The following GRXCR2 variants were observed in gnomAD, a reference collection of about 807,000 sequenced individuals.
GRXCR2 encodes the protein glutaredoxin domain-containing cysteine-rich protein 2.
Under a neutral mutation model 24.8 loss-of-function variants are expected in GRXCR2, and 23 were observed. The observed-to-expected ratio is 0.93, with a 90% CI of 0.67 to 1.32. The LOEUF (loss-of-function observed/expected upper bound fraction) is 1.32, where lower values mean the gene tolerates loss of function less well. GRXCR2 is among the 40% of genes most tolerant of loss of function. The pLI is 0.00. For synonymous variants in GRXCR2, 130 were observed against 116.1 expected, an observed-to-expected ratio of 1.12 and a Z score of -0.77; for missense variants, 315 against 303.4, an observed-to-expected ratio of 1.04 and a Z score of -0.28.
intron 2 of GRXCR2, among the ~76,000 whole-genome samples, chr5:145,905,402 A>G (rs1164457609): frequency 6.6e-6 from 1 of 152,228 alleles, no homozygotes; most frequent in Admixed American, 6.5e-5. Context: ...ACAGTGACGA[A>G]GAGAGAAACT....
chr5:145,885,214 T>C (rs1407095294), intron 2 of GRXCR2, among the ~76,000 whole-genome samples: 1 of 152,122 alleles, frequency 6.6e-6, no homozygotes, highest in African/African-American at 2.4e-5. Context: ...TAGTTATTGA[T>C]CATTTGTAGA....
At chr5:145,892,534 T>C (rs983873000) in intron 2 of GRXCR2, among the ~76,000 whole-genome samples, 1 of 151,916 alleles carries the variant, frequency 6.6e-6, no homozygotes, top group Non-Finnish European at 1.5e-5. Flanking sequence ...AGGGTATCAG[T>C]GATGGAAGAA....
intron 1 of GRXCR2, among the ~76,000 whole-genome samples, chr5:145,869,406 T>C (rs1381323995): frequency 1.3e-5 from 2 of 152,206 alleles, no homozygotes; most frequent in Non-Finnish European, 2.9e-5. Flanking sequence ...ATTTTTATTA[T>C]TTATAACCTT....
intron 2 of GRXCR2, among the ~76,000 whole-genome samples, chr5:145,881,515 C>T (rs914216151): frequency 1.2e-4 from 18 of 152,058 alleles, no homozygotes; most frequent in East Asian, 3.9e-4. Flanking sequence ...CACTGCTCAA[C>T]GAAATAAAAG....
intron 2 of GRXCR2, among the ~76,000 whole-genome samples, chr5:145,888,809 C>G (rs913154199): frequency 6.6e-6 from 1 of 152,116 alleles, no homozygotes; most frequent in Non-Finnish European, 1.5e-5. Context: ...GTTATACACT[C>G]TGTGTGTGTA....
intron 2 of GRXCR2, among the ~76,000 whole-genome samples, chr5:145,902,048 G>C (rs2149922805): frequency 6.6e-6 from 1 of 152,110 alleles, no homozygotes; most frequent in East Asian, 1.9e-4. Flanking sequence ...CCTAACAGTG[G>C]AAAGCACTGT....
intron 2 of GRXCR2, among the ~76,000 whole-genome samples, chr5:145,927,690 CT>C (rs1463283408): frequency 1.3e-5 from 2 of 152,016 alleles, no homozygotes; most frequent in Non-Finnish European, 2.9e-5. Context: ...CTAAAATTCT[CT>C]TTTTTTGTTG....
intron 2 of GRXCR2, among the ~76,000 whole-genome samples, chr5:145,907,366 T>C (rs529696156): frequency 6.6e-6 from 1 of 152,034 alleles, no homozygotes; most frequent in South Asian, 2.1e-4. Flanking sequence ...CCATCTCTAC[T>C]AAAAATACAA....
intron 2 of GRXCR2, among the ~76,000 whole-genome samples, chr5:145,884,933 G>C (rs1357736218): frequency 6.6e-6 from 1 of 152,148 alleles, no homozygotes; most frequent in Non-Finnish European, 1.5e-5. Flanking sequence ...GATTATATTA[G>C]ATATGTGTCT....
chr5:145,923,002 G>T (rs765153086), intron 2 of GRXCR2, among the ~76,000 whole-genome samples: 1 of 152,076 alleles, frequency 6.6e-6, no homozygotes, highest in Non-Finnish European at 1.5e-5. Flanking sequence ...GTTCTCAAAA[G>T]GTGGCCCTGG....
intron 2 of GRXCR2, among the ~76,000 whole-genome samples, chr5:145,899,750 C>T (rs1432660248): frequency 6.6e-6 from 1 of 152,060 alleles, no homozygotes; most frequent in African/African-American, 2.4e-5. Flanking sequence ...TTACCATATA[C>T]AAAAATTAAC....
At chr5:145,877,378 T>C (rs934652800), upstream of GRXCR2, among the ~76,000 whole-genome samples, 2 of 149,646 alleles carry the variant, frequency 1.3e-5, no homozygotes, top group African/African-American at 4.9e-5. Context: ...TCAGACAGAG[T>C]CTCACCCTGT....
chr5:145,869,941 G>A (rs1756502450), intron 1 of GRXCR2, among the ~76,000 whole-genome samples: 1 of 152,150 alleles, frequency 6.6e-6, no homozygotes, highest in African/African-American at 2.4e-5. Context: ...CAATGACGTT[G>A]AAGGTCAACA....
In GRXCR2 at chr5:145,859,018, T is replaced by G. The variant is rs1336234363; in HGVS notation, c.*715A>C. ...CATACACACATATTTGAGCACCAAA[T>G]TTATCATAAATAACTTTGACTTGGC... is the stretch of plus-strand genomic sequence containing the variant. On this transcript the variant is annotated 3_prime_UTR_variant, in exon 3 of 3. Transcript: ENST00000377976. 1 of 152,256 alleles carries G rather than the reference T, an allele frequency of 6.6e-6. No individual in the cohort carries two copies. The highest frequency in any genetic ancestry group is 1.5e-5 in the Non-Finnish European group (1 of 68,068). The allele number at this position is 152,256 out of a possible 1,614,324, so 9.4% of individuals were successfully genotyped here.
chr5:145,929,350 G>A (rs1032850473), intron 2 of GRXCR2, among the ~76,000 whole-genome samples: 1 of 151,408 alleles, frequency 6.6e-6, no homozygotes, highest in African/African-American at 2.4e-5. Flanking sequence ...TTATAGAAGT[G>A]GTATTTTAGG....
intron 2 of GRXCR2, among the ~76,000 whole-genome samples, chr5:145,861,762 C>T (rs923336252): frequency 7.2e-5 from 11 of 152,088 alleles, no homozygotes; most frequent in Admixed American, 4.6e-4. Flanking sequence ...AGCAGGAGTC[C>T]GCTGGGTAGC....
intron 2 of GRXCR2, among the ~76,000 whole-genome samples, chr5:145,890,849 AG>A (rs1435796196): frequency 5.3e-5 from 8 of 152,022 alleles, no homozygotes; most frequent in African/African-American, 1.9e-4. Flanking sequence ...AAAAAAAAAA[AG>A]ACTCATTGAC....
At chr5:145,891,731 A>G (rs1302495987) in intron 2 of GRXCR2, among the ~76,000 whole-genome samples, 1 of 152,226 alleles carries the variant, frequency 6.6e-6, no homozygotes, top group Non-Finnish European at 1.5e-5. Context: ...AACAAAAGGC[A>G]GTAGACACCT....
At chr5:145,905,001 G>A (rs1757070952) in intron 2 of GRXCR2, among the ~76,000 whole-genome samples, 1 of 152,154 alleles carries the variant, frequency 6.6e-6, no homozygotes, top group South Asian at 2.1e-4. Context: ...TCCAGCTTCT[G>A]CTTACATCAT....
Sources: allele counts gnomAD v4.1 joint callset (sites outside exome capture counted in the v4.1 genomes callset), GRCh38; gene constraint gnomAD v4.1.1; transcripts MANE v1.5; gene names NCBI Gene and HGNC (gene_info 2026-07-23, HGNC 2026-07-21).